The following RNF150 variants were observed in gnomAD, a reference collection of about 807,000 sequenced individuals.
RNF150 encodes ring finger protein 150.
In RNF150, 24 loss-of-function variants were observed where a neutral mutation model predicts 39.3. The observed-to-expected ratio is 0.61, with a 90% CI of 0.44 to 0.86. The LOEUF (loss-of-function observed/expected upper bound fraction) is 0.86. RNF150 is among the 40% of genes least tolerant of loss of function. The pLI, the probability that RNF150 is intolerant of heterozygous loss-of-function variation, is 0.00. For missense variants in RNF150, 502 were observed against 587.8 expected (o/e 0.85, Z 1.51); for synonymous variants, 255 against 227.3 (o/e 1.12, Z -1.10).
intron 1 of RNF150, among the ~76,000 whole-genome samples, chr4:141,017,188 A>G (rs940536500): frequency 2.6e-5 from 4 of 152,136 alleles, no homozygotes; most frequent in African/African-American, 9.7e-5. Context: ...CTCAGGCTTA[A>G]AATACCTCAC....
At chr4:141,189,895 AG>A (rs1265419560) in intron 1 of RNF150, among the ~76,000 whole-genome samples, 1 of 152,148 alleles carries the variant, frequency 6.6e-6, no homozygotes, top group Non-Finnish European at 1.5e-5. Context: ...GCCCCGTTTC[AG>A]GGGAGTGAAT....
intron 1 of RNF150, among the ~76,000 whole-genome samples, chr4:141,178,310 T>G (rs1727850499): frequency 6.6e-6 from 1 of 152,084 alleles, no homozygotes; most frequent in Admixed American, 6.6e-5. Flanking sequence ...AGAACAGAAT[T>G]TCTCGAATTC....
chr4:141,177,541 C>T (rs751943503), intron 1 of RNF150, among the ~76,000 whole-genome samples: 9 of 151,976 alleles, frequency 5.9e-5, no homozygotes, highest in Non-Finnish European at 1.2e-4. Context: ...AAGCCTGAAA[C>T]TATGGCATAG....
chr4:141,128,852 A>G (rs1202402119), intron 1 of RNF150, among the ~76,000 whole-genome samples: 2 of 152,214 alleles, frequency 1.3e-5, no homozygotes, highest in Non-Finnish European at 2.9e-5. Flanking sequence ...TGAATAGCAG[A>G]AAAAAACAAG....
At chr4:141,061,351 T>A (rs1421686631) in intron 1 of RNF150, among the ~76,000 whole-genome samples, 1 of 152,134 alleles carries the variant, frequency 6.6e-6, no homozygotes, top group African/African-American at 2.4e-5. Flanking sequence ...GTTCACACAT[T>A]GGAGATAAAT....
At chr4:141,014,885 A>T (rs539885299) in intron 1 of RNF150, among the ~76,000 whole-genome samples, 1 of 152,146 alleles carries the variant, frequency 6.6e-6, no homozygotes, top group South Asian at 2.1e-4. Context: ...ATATCCAAAA[A>T]TCATTGCCTA....
chr4:141,059,674 A>G (rs1027372023), intron 1 of RNF150, among the ~76,000 whole-genome samples: 1 of 152,164 alleles, frequency 6.6e-6, no homozygotes, highest in Non-Finnish European at 1.5e-5. Flanking sequence ...AGTAACAGGG[A>G]AAGTTGAGAC....
At chr4:141,062,201 C>G (rs140859807) in intron 1 of RNF150, among the ~76,000 whole-genome samples, 1 of 152,204 alleles carries the variant, frequency 6.6e-6, no homozygotes, top group East Asian at 1.9e-4. Flanking sequence ...ATATTCAAAT[C>G]TGTTTCTTCA....
At position 141,056,494 on chromosome 4, in the gene RNF150, T is replaced by C. The variant is rs181533597; in HGVS notation, c.484+75831A>G. ...GGGTGTGGGCTGGTGGGAGAGATGG[T>C]TGAATATTCAGCACTGACAGTCTTT... On this transcript the variant is annotated intron_variant, in intron 1 of 6. Transcript: ENST00000515673. Among the ~76,000 whole-genome samples the C allele has an allele frequency of 2.5e-3, 380 of 152,140 alleles. 2 individuals carry two copies. The highest frequency in any genetic ancestry group is 2.4e-3 in the Non-Finnish European group (166 of 67,962).
intron 6 of RNF150, among the ~76,000 whole-genome samples, chr4:140,909,616 T>C (rs1452764652): frequency 6.6e-6 from 1 of 152,154 alleles, no homozygotes; most frequent in Non-Finnish European, 1.5e-5. Context: ...AAATATATTA[T>C]TAAAATGAAC....
rs1169596089 is a variant in RNF150, at chr4:140,999,993, AAAGAAGAAGAAGAAG to A, written c.485-32135_485-32121del. Among the ~76,000 whole-genome samples, 257 of 63,250 alleles carry A rather than the reference AAAGAAGAAGAAGAAG, an allele frequency of 4.1e-3. 4 individuals carry two copies. The highest frequency in any genetic ancestry group is 0.012 in the African/African-American group (230 of 18,822). 41.5% of individuals were successfully genotyped at this position (63,250 alleles called of 152,430 possible). A position where few individuals can be genotyped will look rare whatever the true frequency, so the allele number is the denominator to read the frequency against. On this transcript the variant is annotated intron_variant, in intron 1 of 6. Coordinates refer to ENST00000515673, the MANE Select transcript of RNF150 (RefSeq NM_020724.2). Reference sequence around the variant, plus strand: ...AGAAGAAGAAAAGAAGAAAAGAAGAAAAGAAGAAGAAGAAGAAGAAGAAGAAGAAGAAGAAGAAGA... The same window carrying A: ...AGAAGAAGAAAAGAAGAAAAGAAGAAAAGAAGAAGAAGAAGAAGAAGAAGA...
chr4:141,030,532 T>C (rs1043767470), intron 1 of RNF150, among the ~76,000 whole-genome samples: 2 of 152,134 alleles, frequency 1.3e-5, no homozygotes, highest in African/African-American at 4.8e-5. Flanking sequence ...GGAGTCACAA[T>C]AGCCAAGATA....
intron 1 of RNF150, among the ~76,000 whole-genome samples, chr4:141,002,744 G>A (rs1350993226): frequency 6.6e-6 from 1 of 152,156 alleles, no homozygotes; most frequent in Non-Finnish European, 1.5e-5. Flanking sequence ...AGCTGCAGGG[G>A]GAAGCCTGGG....
At chr4:141,066,260 C>A (rs564956817) in intron 1 of RNF150, among the ~76,000 whole-genome samples, 1 of 151,514 alleles carries the variant, frequency 6.6e-6, no homozygotes, top group Admixed American at 6.6e-5. Flanking sequence ...AAAACCATTC[C>A]TCAGTAATTT....
chr4:141,090,877 G>A (rs1456222925), intron 1 of RNF150, among the ~76,000 whole-genome samples: 2 of 152,002 alleles, frequency 1.3e-5, no homozygotes, highest in Non-Finnish European at 2.9e-5. Flanking sequence ...CCCAAACATT[G>A]GTTATTAATT....
At position 141,007,863 on chromosome 4, in the gene RNF150, T is replaced by C. The variant is rs1160616607; in HGVS notation, c.485-39990A>G. Among the ~76,000 whole-genome samples, 6 of 152,302 alleles carry C rather than the reference T, an allele frequency of 3.9e-5. No individual in the cohort carries two copies. The East Asian group carries it at 9.6e-4, about 24-fold the overall frequency. Reference sequence around the variant, plus strand: ...TATCTCCATTCCTACAACCAAACAGTAGGTATCCCTGCATGAAGGGTTCTC... The same window carrying C: ...TATCTCCATTCCTACAACCAAACAGCAGGTATCCCTGCATGAAGGGTTCTC... On this transcript the variant is annotated intron_variant, in intron 1 of 6. Coordinates refer to ENST00000515673, the MANE Select transcript of RNF150 (RefSeq NM_020724.2).
At chr4:140,875,162 C>CT (rs1560943059) in intron 6 of RNF150, among the ~76,000 whole-genome samples, 1 of 141,614 alleles carries the variant, frequency 7.1e-6, no homozygotes, top group Admixed American at 7.1e-5. Flanking sequence ...ACAATCATTA[C>CT]GTTTTTTTTT....
In RNF150 at chr4:140,919,212, A is replaced by G. The variant is rs1181463472; in HGVS notation, c.987+6765T>C. ...GCAATTAGGCAGGAGAAGGAAATAAAGGGTATTCAATTAGGAAAAGAGGAA... is the reference window on the plus strand; with the variant it reads ...GCAATTAGGCAGGAGAAGGAAATAAGGGGTATTCAATTAGGAAAAGAGGAA... On this transcript the variant is annotated intron_variant, in intron 5 of 6. Transcript: ENST00000515673. Among the ~76,000 whole-genome samples the G allele has an allele frequency of 2.8e-5, 4 of 143,242 alleles. No individual in the cohort carries two copies. The East Asian group carries it at 6.5e-4, about 23-fold the overall frequency. 94.0% of individuals were successfully genotyped at this position (143,242 alleles called of 152,430 possible). A position where few individuals can be genotyped will look rare whatever the true frequency, so the allele number is the denominator to read the frequency against.
intron 1 of RNF150, among the ~76,000 whole-genome samples, chr4:140,972,582 A>G (rs1733507375): frequency 6.6e-6 from 1 of 152,138 alleles, no homozygotes; most frequent in Admixed American, 6.5e-5. Context: ...TCCAGTGAAA[A>G]GGCTCCCCTG....
Sources: gnomAD v4.1 joint callset for allele counts (sites outside exome capture counted in the v4.1 genomes callset) on GRCh38, gnomAD v4.1.1 for gene constraint, MANE v1.5 for transcripts, NCBI Gene and HGNC (gene_info 2026-07-23, HGNC 2026-07-21) for gene names.